The following NSMAF variants were observed in gnomAD, a reference collection of about 807,000 sequenced individuals.
NSMAF encodes protein FAN.
Under a neutral mutation model 134.9 loss-of-function variants are expected in NSMAF, and 90 were observed. The observed-to-expected ratio is 0.67, with a 90% confidence interval of 0.56 to 0.79. The LOEUF is 0.79. Among genes scored for constraint, NSMAF ranks in the 30% least tolerant of loss-of-function variants. NSMAF has a pLI of 0.00. For missense variants in NSMAF, 1,010 were observed against 1,119.0 expected, an observed-to-expected ratio of 0.90 and a Z score of 1.39; for synonymous variants, 358 against 389.6, an observed-to-expected ratio of 0.92 and a Z score of 0.96.
chr8:58,609,832 G>A (rs1585739752), intron 9 of NSMAF, 99 bp from the exon 10 acceptor site: 2 of 1,060,720 alleles, frequency 1.9e-6, no homozygotes, highest in East Asian at 2.5e-5. Flanking sequence ...TATGACATTT[G>A]TCTAAACACT....
intron 6 of NSMAF, among the ~76,000 whole-genome samples, chr8:58,627,811 T>C (rs1221170784): frequency 6.6e-6 from 1 of 152,162 alleles, no homozygotes; most frequent in Non-Finnish European, 1.5e-5. Context: ...ACAGATTCAA[T>C]GCAGTTCTTA....
chr8:58,619,225 C>T (rs911475842), intron 9 of NSMAF, among the ~76,000 whole-genome samples: 5 of 152,160 alleles, frequency 3.3e-5, no homozygotes, highest in African/African-American at 9.6e-5. Context: ...CAAACATAAA[C>T]ACAAAAAACA....
intron 9 of NSMAF, among the ~76,000 whole-genome samples, chr8:58,610,815 A>C (rs1386502087): frequency 6.6e-6 from 1 of 152,236 alleles, no homozygotes; most frequent in Non-Finnish European, 1.5e-5. Flanking sequence ...CCGATGGCTC[A>C]GTTATAAAGC....
chr8:58,659,661 C>T lies in NSMAF; in HGVS notation c.-30G>A. On this transcript the variant is annotated 5_prime_UTR_variant, in exon 1 of 31. Transcript: ENST00000038176. ...GGTAGGCGCGGGCGGGCGCAGAGCG[C>T]ACAGGCAGGCCCCGCCGCCGCCTGC... 1 of 1,394,626 alleles carries T rather than the reference C, an allele frequency of 7.2e-7. No homozygotes were observed. The highest frequency in any genetic ancestry group is 9.3e-7 in the Non-Finnish European group (1 of 1,074,336). 86.4% of individuals were successfully genotyped at this position (1,394,626 alleles called of 1,614,324 possible). A position where few individuals can be genotyped will look rare whatever the true frequency, so the allele number is the denominator to read the frequency against.
intron 5 of NSMAF, among the ~76,000 whole-genome samples, chr8:58,633,246 C>T (rs963534525): frequency 2.0e-5 from 3 of 152,230 alleles, no homozygotes; most frequent in Non-Finnish European, 2.9e-5. Flanking sequence ...CCTTGACTCA[C>T]GCACCCCAGG....
chr8:58,659,097 G>T, intron 1 of NSMAF: 4 of 1,046,042 alleles, frequency 3.8e-6, no homozygotes, highest in South Asian at 1.9e-5. Flanking sequence ...CCTGCTCGGT[G>T]CCGCCCGGCG....
chr8:58,640,036 A>G (rs1807298067), intron 2 of NSMAF: 1 of 454,908 alleles, frequency 2.2e-6, no homozygotes, highest in African/African-American at 2.0e-5. Context: ...CACGAAATTA[A>G]AGGGGGTGGA....
At chr8:58,630,730 C>A (rs896281520) in intron 6 of NSMAF, among the ~76,000 whole-genome samples, 1 of 152,314 alleles carries the variant, frequency 6.6e-6, no homozygotes, top group South Asian at 2.1e-4. Context: ...GACTAATCAG[C>A]ACATGCAAGT....
intron 6 of NSMAF, among the ~76,000 whole-genome samples, chr8:58,628,652 G>T (rs763458394): frequency 6.6e-6 from 1 of 152,190 alleles, no homozygotes. Flanking sequence ...ACACTTTCAT[G>T]TTGGTGTTTA....
intron 11 of NSMAF, 145 bp downstream of exon 11, chr8:58,607,624 A>C (rs778134689): frequency 4.6e-6 from 3 of 659,292 alleles, no homozygotes; most frequent in Non-Finnish European, 8.1e-6. Context: ...TCTCCAAAAG[A>C]AAGAACAGCA....
chr8:58,652,204 G>T (rs1257454214), intron 1 of NSMAF, among the ~76,000 whole-genome samples: 1 of 152,130 alleles, frequency 6.6e-6, no homozygotes, highest in Non-Finnish European at 1.5e-5. Context: ...ACAGAGAGGA[G>T]ATCTTAAAAG....
At position 58,599,271 on chromosome 8, in the gene NSMAF, A is replaced by G; in HGVS notation, c.1546T>C (p.Tyr516His). The G allele has an allele frequency of 1.2e-6, 2 of 1,613,920 alleles. No homozygotes were observed. The stretch of plus-strand genomic sequence containing the variant: ...ACTGCATCACTCCCTTTTTGTTTGT[A>G]GCCAAATATTAGATCAATCCACTCG... ...LHEWIDLIFG[Y>H]KQKGSDAVGA... is the part of the protein sequence containing the mutation. Residue 516 changes from tyrosine to histidine, a missense_variant, in exon 19 of 31, where the codon TAC becomes CAC. Tyr to His is a moderately conservative substitution (Grantham distance 83). Coordinates refer to ENST00000038176, the MANE Select transcript of NSMAF (RefSeq NM_003580.4).
chr8:58,585,660 C>T lies in NSMAF; in HGVS notation c.2651G>A (p.Gly884Asp). Residue 884 changes from glycine to aspartate, a missense_variant, in exon 30 of 31, where the codon GGC becomes GAC. Physicochemically the swap from Gly to Asp is moderately conservative, Grantham distance 94. Transcript: ENST00000038176. ...CTGCAGTAGCTGCTTACCTGTGTGG[C>T]CCTGTATTCTCTCACTGATTTTTGC... The part of the protein sequence containing the change: ...LGAKISERIQ[G>D]HTGAVTCIWM... 1 of 1,611,044 alleles carries T rather than the reference C, an allele frequency of 6.2e-7. No homozygotes were observed. The highest frequency in any genetic ancestry group is 8.5e-7 in the Non-Finnish European group (1 of 1,177,262).
At chr8:58,623,852 T>C (rs1484029916) in intron 6 of NSMAF, 72 bp from the exon 7 acceptor site, 18 of 1,210,194 alleles carry the variant, frequency 1.5e-5, no homozygotes, top group African/African-American at 3.0e-5. Flanking sequence ...TTTAAGAACA[T>C]GTGTACAGAA....
chr8:58,639,772 TAGAC>T (rs978839176), intron 2 of NSMAF, among the ~76,000 whole-genome samples: 3 of 152,012 alleles, frequency 2.0e-5, no homozygotes, highest in Non-Finnish European at 2.9e-5. Flanking sequence ...CATATAAAAA[TAGAC>T]ATACATACAT....
chr8:58,638,891 C>T (rs1427433136), intron 2 of NSMAF, among the ~76,000 whole-genome samples: 2 of 152,008 alleles, frequency 1.3e-5, no homozygotes, highest in African/African-American at 4.8e-5. Context: ...GGCTAATATC[C>T]AAAATACATA....
intron 22 of NSMAF, chr8:58,594,597 T>G: frequency 2.7e-6 from 1 of 367,908 alleles, no homozygotes; most frequent in Admixed American, 4.4e-5. Context: ...TCCCCCTCGT[T>G]TGACCATCAC....
chr8:58,644,901 G>T (rs1268745451), intron 1 of NSMAF, among the ~76,000 whole-genome samples: 3 of 152,168 alleles, frequency 2.0e-5, no homozygotes, highest in Admixed American at 1.3e-4. Flanking sequence ...TCATAAGTGG[G>T]AGCTGAACAA....
rs1406261709 is a variant in NSMAF, at chr8:58,637,035, CA to C, written c.150-1490del. Among the ~76,000 whole-genome samples the C allele has an allele frequency of 1.2e-3, 176 of 151,806 alleles. 1 individual carries two copies. The highest frequency in any genetic ancestry group is 2.1e-3 in the East Asian group (11 of 5,186). Reference sequence around the variant, plus strand: ...AAGATTATACACACACACACACACACACACACCCACACACAAACACACATAT... The same window carrying C: ...AAGATTATACACACACACACACACACCACACCCACACACAAACACACATAT... On this transcript the variant is annotated intron_variant, in intron 2 of 30. Transcript: ENST00000038176.
Sources: allele counts gnomAD v4.1 joint callset (sites outside exome capture counted in the v4.1 genomes callset), GRCh38; gene constraint gnomAD v4.1.1; transcripts MANE v1.5; gene names NCBI Gene and HGNC (gene_info 2026-07-23, HGNC 2026-07-21).